VPS8: variants seen among roughly 807,000 people sequenced by gnomAD.
The protein encoded by VPS8 is vacuolar protein sorting-associated protein 8 homolog.
A neutral mutation model predicts 216.4 loss-of-function variants in VPS8; 129 were observed. That is an observed-to-expected ratio of 0.60 (90% CI 0.52 to 0.69). The LOEUF (loss-of-function observed/expected upper bound fraction) is 0.69. Ranked by LOEUF, VPS8 falls within the 30% of genes least tolerant of loss-of-function variation. VPS8 has a pLI of 0.00. For missense variants in VPS8, 1,531 were observed against 1,683.5 expected (o/e 0.91, Z 1.59); for synonymous variants, 571 against 565.4 (o/e 1.01, Z -0.14).
intron 18 of VPS8, 113 bp downstream of exon 18, chr3:184,868,172 G>C: frequency 8.6e-7 from 1 of 1,162,036 alleles, no homozygotes; most frequent in South Asian, 1.4e-5. Flanking sequence ...TTTCAGAAGT[G>C]TACAAGAAAA....
chr3:184,867,926 A>G lies in VPS8; in HGVS notation c.1471-98A>G, dbSNP rs1009402763. On this transcript the variant is annotated intron_variant, in intron 17 of 47. Transcript: ENST00000625842. ...AACTGTAGTATGAAATGTTTTACTT[A>G]AAGGGATATCAAATGAGATGTGGGA... 1.2e-5 allele frequency: 15 copies of G among 1,243,786 alleles called. No individual in the cohort carries two copies. The East Asian group carries it at 3.5e-4, about 29-fold the overall frequency. 77.0% of individuals were successfully genotyped at this position (1,243,786 alleles called of 1,614,324 possible).
intron 16 of VPS8, among the ~76,000 whole-genome samples, chr3:184,865,210 A>T (rs1345869983): frequency 6.6e-6 from 1 of 152,236 alleles, no homozygotes; most frequent in Non-Finnish European, 1.5e-5. Context: ...GTGCAGTTAA[A>T]ATCTCTAAAG....
At chr3:184,908,583 C>G (rs1195044571) in intron 25 of VPS8, among the ~76,000 whole-genome samples, 2 of 152,248 alleles carry the variant, frequency 1.3e-5, no homozygotes, top group Non-Finnish European at 2.9e-5. Flanking sequence ...ATGTTAGCAG[C>G]TCGGTCGGCC....
intron 32 of VPS8, 50 bp from the exon 33 acceptor site, chr3:184,929,529 CT>C: frequency 9.1e-7 from 1 of 1,104,844 alleles, no homozygotes; most frequent in Non-Finnish European, 1.3e-6. Flanking sequence ...GAGCAAATGT[CT>C]CAAAAACCTC....
At chr3:184,821,433 T>C (rs1197953984) in intron 1 of VPS8, among the ~76,000 whole-genome samples, 2 of 151,512 alleles carry the variant, frequency 1.3e-5, no homozygotes, top group Admixed American at 6.6e-5. Context: ...ATCCTCCGCC[T>C]CCCGGGTTCA....
At chr3:184,837,322 A>G (rs561564201) in intron 5 of VPS8, among the ~76,000 whole-genome samples, 2 of 152,300 alleles carry the variant, frequency 1.3e-5, no homozygotes, top group South Asian at 4.1e-4. Flanking sequence ...TCATTTTGTT[A>G]TAATGTTAAT....
intron 22 of VPS8, chr3:184,893,333 C>A (rs1369401551): frequency 1.1e-5 from 14 of 1,270,528 alleles, no homozygotes; most frequent in Non-Finnish European, 1.3e-5. Context: ...AATAAATAAA[C>A]CATTTACCAC....
rs200664721 is a variant in VPS8 at position 184,853,969 on chromosome 3, A to G, written c.934A>G (p.Ile312Val). The part of the protein sequence containing the change: ...HSKPELKDHP[I>V]TQFSLLAMAS... The stretch of plus-strand genomic sequence containing the variant: ...TAAGCCTGAGTTGAAAGATCATCCC[A>G]TCACACAGTTTTCATTATTGGCCAT... Residue 312 changes from isoleucine to valine, a missense_variant, in exon 12 of 48, where the codon ATC (isoleucine) becomes GTC (valine). Ile to Val is a conservative substitution (Grantham distance 29). This residue lies in a region of VPS8 where 1,318 missense variants were observed against 1,468.4 expected (regional missense o/e 0.90). Coordinates refer to ENST00000625842, the MANE Select transcript of VPS8 (RefSeq NM_001009921.3). 1.9e-5 allele frequency: 30 copies of G among 1,613,610 alleles called. No individual in the cohort carries two copies. In the African/African-American group the frequency reaches 2.7e-4, roughly 14 times the overall value.
At chr3:185,022,050 G>A (rs760962453) in intron 45 of VPS8, among the ~76,000 whole-genome samples, 3 of 152,104 alleles carry the variant, frequency 2.0e-5, no homozygotes, top group South Asian at 2.1e-4. Context: ...GTCGGGAAAG[G>A]GACCTGGTGG....
chr3:185,000,001 C>A, intron 45 of VPS8, 140 bp downstream of exon 45: 2 of 961,436 alleles, frequency 2.1e-6, no homozygotes, highest in Non-Finnish European at 3.0e-6. Flanking sequence ...TCTTTTCAGT[C>A]CTATTTAGTG....
chr3:184,915,159 G>A, intron 27 of VPS8, 106 bp downstream of exon 27: 1 of 1,391,530 alleles, frequency 7.2e-7, no homozygotes, highest in South Asian at 1.2e-5. Context: ...GCTATCACCT[G>A]TTGCAGGAGA....
chr3:185,018,900 T>C (rs1203623042), intron 45 of VPS8, among the ~76,000 whole-genome samples: 1 of 152,180 alleles, frequency 6.6e-6, no homozygotes, highest in Non-Finnish European at 1.5e-5. Context: ...CAACTACTTT[T>C]TGCCCATATG....
intron 44 of VPS8, among the ~76,000 whole-genome samples, chr3:184,997,962 A>T (rs1577101925): frequency 7.8e-6 from 1 of 128,954 alleles, no homozygotes; most frequent in African/African-American, 2.8e-5. Context: ...ATGCAACGTC[A>T]GAAGAGAGTA....
At chr3:184,895,584 TCCTGCTCCTCCTCCTC>T in intron 23 of VPS8, among the ~76,000 whole-genome samples, 2 of 84,504 alleles carry the variant, frequency 2.4e-5, no homozygotes, top group South Asian at 5.5e-4. Context: ...TTTTTCCTCC[TCCTGCTCCTCCTCCTC>T]CCCCCCTCCT....
In VPS8 at chr3:184,915,066, T is replaced by A. The variant is rs760664065; in HGVS notation, c.2262+13T>A. The A allele has an allele frequency of 2.5e-6, 4 of 1,612,840 alleles. No individual in the cohort carries two copies. The highest frequency in any genetic ancestry group is 3.4e-6 in the Non-Finnish European group (4 of 1,178,856). On this transcript the variant is annotated intron_variant, in intron 27 of 47. Coordinates refer to ENST00000625842, the MANE Select transcript of VPS8 (RefSeq NM_001009921.3). ...GGTTAAAAACCAGGTTGGTACTATTTTTATAGCCTTTTGACTGTTCTCCGT... is the reference window on the plus strand; with the variant it reads ...GGTTAAAAACCAGGTTGGTACTATTATTATAGCCTTTTGACTGTTCTCCGT...
chr3:184,852,936 A>G (rs1165207623), intron 11 of VPS8, among the ~76,000 whole-genome samples: 1 of 152,216 alleles, frequency 6.6e-6, no homozygotes, highest in East Asian at 1.9e-4. Flanking sequence ...TAGAATTGCC[A>G]TGTTTGCTCT....
chr3:184,869,451 T>G lies in VPS8; in HGVS notation c.1598-31T>G. On this transcript the variant is annotated intron_variant, in intron 19 of 47. Coordinates refer to ENST00000625842, the MANE Select transcript of VPS8 (RefSeq NM_001009921.3). The stretch of plus-strand genomic sequence containing the variant: ...ACTCCTAAAGATGTGGACTAACTTT[T>G]GTTTTTTTGTTGGATTTTCCTTCTC... The G allele has an allele frequency of 1.9e-6, 3 of 1,611,908 alleles. 1 individual carries two copies. The South Asian group carries it at 3.3e-5, about 18-fold the overall frequency.
chr3:185,034,158 C>G (rs1758554400), intron 46 of VPS8, among the ~76,000 whole-genome samples: 1 of 152,066 alleles, frequency 6.6e-6, no homozygotes, highest in African/African-American at 2.4e-5. Flanking sequence ...GTTTTCTGTT[C>G]CTGTGTAATT....
chr3:185,044,520 A>C (rs1712421235), intron 46 of VPS8, among the ~76,000 whole-genome samples: 1 of 152,156 alleles, frequency 6.6e-6, no homozygotes, highest in Middle Eastern at 3.2e-3. Flanking sequence ...GTCGCATCTG[A>C]GAAAACGTAA....
Sources: allele counts gnomAD v4.1 joint callset (sites outside exome capture counted in the v4.1 genomes callset), GRCh38; gene constraint gnomAD v4.1.1; regional missense constraint gnomAD v4.1.1; transcripts MANE v1.5; gene names NCBI Gene and HGNC (gene_info 2026-07-23, HGNC 2026-07-21).